Variants in CERS6 observed in about 807,000 individuals in gnomAD.
CERS6 encodes the protein LAG1 homolog, ceramide synthase 6.
In CERS6, 26 loss-of-function variants were observed where a neutral mutation model predicts 56.8. The ratio of observed to expected loss-of-function variants is 0.46; its 90% confidence interval spans 0.34 to 0.63. CERS6 has a LOEUF of 0.63. Among genes scored for constraint, CERS6 ranks in the 30% least tolerant of loss-of-function variants. CERS6 has a pLI of 0.01. For missense variants in CERS6, 415 were observed against 467.5 expected, an observed-to-expected ratio of 0.89 and a Z score of 1.04; for synonymous variants, 164 against 173.3, an observed-to-expected ratio of 0.95 and a Z score of 0.42.
At chr2:168,736,844 G>A (rs770975960) in intron 8 of CERS6, among the ~76,000 whole-genome samples, 8 of 152,350 alleles carry the variant, frequency 5.3e-5, no homozygotes, top group Middle Eastern at 3.4e-3. Context: ...CTTGCTGGCA[G>A]CATGTCACTC....
intron 3 of CERS6, among the ~76,000 whole-genome samples, chr2:168,574,900 A>G (rs1015142520): frequency 2.0e-5 from 3 of 152,226 alleles, no homozygotes; most frequent in Admixed American, 1.3e-4. Flanking sequence ...GTTAAAGCTC[A>G]TAGTTTTATT....
At chr2:168,749,268 C>G (rs1404159343) in intron 8 of CERS6, among the ~76,000 whole-genome samples, 4 of 150,456 alleles carry the variant, frequency 2.7e-5, no homozygotes. Context: ...AAGTTGACCC[C>G]TCTTCGCTAT....
intron 1 of CERS6, among the ~76,000 whole-genome samples, chr2:168,535,059 T>G (rs1693220931): frequency 6.6e-6 from 1 of 152,202 alleles, no homozygotes; most frequent in Non-Finnish European, 1.5e-5. Context: ...CCGTCCAGCC[T>G]CCCTGGCTCC....
At chr2:168,542,792 G>A (rs1423936066) in intron 1 of CERS6, among the ~76,000 whole-genome samples, 1 of 152,128 alleles carries the variant, frequency 6.6e-6, no homozygotes, top group Non-Finnish European at 1.5e-5. Context: ...TGCCTCCCGG[G>A]TTCAAGCGAT....
intron 4 of CERS6, among the ~76,000 whole-genome samples, chr2:168,661,645 C>CT: frequency 6.6e-6 from 1 of 152,250 alleles, no homozygotes. Flanking sequence ...AGATTTTTGT[C>CT]TTTCTCTCAT....
At chr2:168,477,526 T>C (rs1574008986) in intron 1 of CERS6, among the ~76,000 whole-genome samples, 1 of 152,252 alleles carries the variant, frequency 6.6e-6, no homozygotes, top group African/African-American at 2.4e-5. Context: ...ATAAAATGCA[T>C]ATATTTATCA....
intron 3 of CERS6, among the ~76,000 whole-genome samples, chr2:168,600,337 T>C (rs1683904647): frequency 1.3e-5 from 2 of 152,176 alleles, no homozygotes; most frequent in Non-Finnish European, 2.9e-5. Context: ...CCTGAGTAGC[T>C]GGGACTACAG....
intron 1 of CERS6, among the ~76,000 whole-genome samples, chr2:168,524,465 C>G (rs907678341): frequency 6.6e-6 from 1 of 152,138 alleles, no homozygotes; most frequent in African/African-American, 2.4e-5. Context: ...CAGTGCTGCT[C>G]CATGCTGGGT....
At chr2:168,554,481 A>T (rs934607651) in intron 2 of CERS6, among the ~76,000 whole-genome samples, 1 of 152,190 alleles carries the variant, frequency 6.6e-6, no homozygotes, top group Non-Finnish European at 1.5e-5. Context: ...AAACGGGACA[A>T]TTGGACACAG....
intron 6 of CERS6, among the ~76,000 whole-genome samples, chr2:168,711,731 CAAAAA>C (rs35886865): frequency 1.0e-5 from 1 of 97,888 alleles, no homozygotes; most frequent in African/African-American, 3.8e-5. Context: ...GAGACTGTCT[CAAAAA>C]AAAAAAAAAA....
At chr2:168,486,327 A>G (rs1039329604) in intron 1 of CERS6, among the ~76,000 whole-genome samples, 2 of 152,082 alleles carry the variant, frequency 1.3e-5, no homozygotes, top group Non-Finnish European at 2.9e-5. Flanking sequence ...TTTAAATTTT[A>G]ATGAAGATCA....
At chr2:168,457,021 C>T (rs1392733829) in intron 1 of CERS6, among the ~76,000 whole-genome samples, 1 of 152,206 alleles carries the variant, frequency 6.6e-6, no homozygotes, top group Non-Finnish European at 1.5e-5. Context: ...CCGGGGCCCG[C>T]GCCACCCACC....
intron 4 of CERS6, among the ~76,000 whole-genome samples, chr2:168,687,367 T>TCTTG (rs1252008100): frequency 6.6e-6 from 1 of 152,236 alleles, no homozygotes; most frequent in Admixed American, 6.5e-5. Flanking sequence ...GAATCAGCCT[T>TCTTG]CTTACTTTTC....
Position 168,556,535 on chromosome 2 carries a change from T to G in CERS6, c.277-4657T>G, listed in dbSNP as rs368531666. The stretch of plus-strand genomic sequence containing the variant: ...ATCTATATTTCTGTATTGTGCCAAA[T>G]TTTACATTGAACTAGCAAGAGAAAG... On this transcript the variant is annotated intron_variant, in intron 2 of 9. Coordinates refer to ENST00000305747, the MANE Select transcript of CERS6 (RefSeq NM_203463.3). 5.3e-5 allele frequency among the ~76,000 whole-genome samples: 8 copies of G among 152,106 alleles called. No homozygotes were observed. In the East Asian group the frequency reaches 5.8e-4, roughly 11 times the overall value.
intron 8 of CERS6, among the ~76,000 whole-genome samples, chr2:168,740,260 TAGAAA>T (rs1170036546): frequency 6.6e-6 from 1 of 152,038 alleles, no homozygotes; most frequent in African/African-American, 2.4e-5. Flanking sequence ...GAAGAAAAAA[TAGAAA>T]AGAAATGACT....
At chr2:168,554,030 A>G (rs1477070119) in intron 2 of CERS6, among the ~76,000 whole-genome samples, 1 of 152,194 alleles carries the variant, frequency 6.6e-6, no homozygotes. Context: ...GTGGTGGAGG[A>G]GAAGGAAATA....
chr2:168,678,039 AAAC>A (rs1260451898), intron 4 of CERS6, among the ~76,000 whole-genome samples: 1 of 152,186 alleles, frequency 6.6e-6, no homozygotes, highest in Non-Finnish European at 1.5e-5. Flanking sequence ...AAAATTCAGG[AAAC>A]AACAGGTGCT....
intron 8 of CERS6, among the ~76,000 whole-genome samples, chr2:168,750,573 A>T (rs898359015): frequency 2.2e-4 from 34 of 152,132 alleles, no homozygotes; most frequent in African/African-American, 8.2e-4. Flanking sequence ...CATTTCATTA[A>T]ATGTTCTTCT....
At chr2:168,490,922 C>T (rs181675481) in intron 1 of CERS6, among the ~76,000 whole-genome samples, 8 of 152,316 alleles carry the variant, frequency 5.3e-5, no homozygotes, top group Non-Finnish European at 7.4e-5. Context: ...ACTTTGACAT[C>T]GGGCTAACTT....
Sources: allele counts gnomAD v4.1 joint callset (sites outside exome capture counted in the v4.1 genomes callset), GRCh38; gene constraint gnomAD v4.1.1; transcripts MANE v1.5; gene names NCBI Gene and HGNC (gene_info 2026-07-23, HGNC 2026-07-21).